The following EBF2 variants were observed in gnomAD, a reference collection of about 807,000 sequenced individuals.
EBF2 encodes EBF transcription factor 2.
Under a neutral mutation model 72.8 loss-of-function variants are expected in EBF2, and 21 were observed. That is an observed-to-expected ratio of 0.29 (90% confidence interval 0.20 to 0.42). The LOEUF (loss-of-function observed/expected upper bound fraction) is 0.42, where lower values mean the gene tolerates loss of function less well. EBF2 is among the 10% of genes least tolerant of loss of function. The probability of loss-of-function intolerance (pLI) is 1.00; values close to 1 mark genes in which losing one functional copy is unlikely to be tolerated. For missense variants in EBF2, 637 were observed against 731.2 expected (o/e 0.87, Z 1.49); for synonymous variants, 299 against 274.2 (o/e 1.09, Z -0.89).
chr8:26,044,998 A>G lies in EBF2; in HGVS notation c.-139T>C, dbSNP rs543491954. 120 of 433,650 alleles carry G rather than the reference A, an allele frequency of 2.8e-4. 1 individual carries two copies. The highest frequency in any genetic ancestry group is 1.5e-3 in the African/African-American group (67 of 44,654). The allele number at this position is 433,650 out of a possible 1,614,324, so 26.9% of individuals were successfully genotyped here. ...TCAAGTGCCCAAGTTTGAGTCTTAGAAAAAAAAAAAAGATAACCCGTCCTT... is the reference window on the plus strand; with the variant it reads ...TCAAGTGCCCAAGTTTGAGTCTTAGGAAAAAAAAAAAGATAACCCGTCCTT... On this transcript the variant is annotated 5_prime_UTR_variant, in exon 1 of 16. Transcript: ENST00000520164. The surrounding 1 kb of genome is among the most constrained non-coding windows in gnomAD (Gnocchi z 4.1).
At chr8:25,879,020 A>G (rs1376974179) in intron 10 of EBF2, among the ~76,000 whole-genome samples, 1 of 152,138 alleles carries the variant, frequency 6.6e-6, no homozygotes, top group Non-Finnish European at 1.5e-5. Context: ...AAATTATTTA[A>G]TTTTATTAGA....
chr8:25,846,035 A>T (rs185992460), intron 15 of EBF2, among the ~76,000 whole-genome samples: 1 of 152,192 alleles, frequency 6.6e-6, no homozygotes, highest in East Asian at 1.9e-4. Context: ...TTCCCTGCCC[A>T]TATAGCCTTT....
chr8:26,044,309 C>A lies in EBF2; in HGVS notation c.131+420G>T, dbSNP rs906356757. Among the ~76,000 whole-genome samples, 1 of 152,234 alleles carries A rather than the reference C, an allele frequency of 6.6e-6. No individual in the cohort carries two copies. Among genetic ancestry groups the A allele is most frequent in the Non-Finnish European group, 1.5e-5 (1 of 68,044 alleles). ...GATGCGGGAGGTAGGCGCTCGCAGG[C>A]GGCGTGGCGAAGCCAAGAGTGGCCA... On this transcript the variant is annotated intron_variant, in intron 1 of 15. Transcript: ENST00000520164. The surrounding 1 kb of genome is among the most constrained non-coding windows in gnomAD (Gnocchi z 4.1).
intron 6 of EBF2, among the ~76,000 whole-genome samples, chr8:25,933,995 A>G (rs1803530777): frequency 6.6e-6 from 1 of 152,178 alleles, no homozygotes; most frequent in African/African-American, 2.4e-5. Flanking sequence ...TTTTAAAGAT[A>G]AAATCTCTCT....
intron 6 of EBF2, among the ~76,000 whole-genome samples, chr8:26,022,670 G>A (rs1250765305): frequency 6.6e-6 from 1 of 152,088 alleles, no homozygotes; most frequent in Non-Finnish European, 1.5e-5. Context: ...GTTAAATGGG[G>A]GCAGCTGCTG....
chr8:25,943,539 T>G (rs1381355681), intron 6 of EBF2, among the ~76,000 whole-genome samples: 2 of 151,946 alleles, frequency 1.3e-5, no homozygotes, highest in African/African-American at 4.8e-5. Context: ...AATAAATGTT[T>G]AAAACCTGAG....
At chr8:25,937,815 A>C (rs1210450432) in intron 6 of EBF2, among the ~76,000 whole-genome samples, 1 of 152,186 alleles carries the variant, frequency 6.6e-6, no homozygotes, top group Non-Finnish European at 1.5e-5. Flanking sequence ...TGGTGTTTTA[A>C]AACAGATGTG....
chr8:25,869,921 G>T (rs1802403416), intron 10 of EBF2, among the ~76,000 whole-genome samples: 1 of 152,126 alleles, frequency 6.6e-6, no homozygotes, highest in African/African-American at 2.4e-5. Flanking sequence ...GTAAAGGTGG[G>T]ATCTGTGTCC....
At chr8:25,916,719 G>T (rs1295465665) in intron 6 of EBF2, among the ~76,000 whole-genome samples, 1 of 152,080 alleles carries the variant, frequency 6.6e-6, no homozygotes, top group East Asian at 1.9e-4. Context: ...ACAAAAAATG[G>T]TCGATGGGAG....
At chr8:25,924,775 T>G (rs941179504) in intron 6 of EBF2, among the ~76,000 whole-genome samples, 7 of 152,234 alleles carry the variant, frequency 4.6e-5, no homozygotes, top group African/African-American at 1.7e-4. Flanking sequence ...TAAACCTGAA[T>G]TTTGATTCTT....
chr8:26,018,325 G>C (rs1805147400), intron 6 of EBF2, among the ~76,000 whole-genome samples: 2 of 151,238 alleles, frequency 1.3e-5, no homozygotes, highest in South Asian at 4.2e-4. Flanking sequence ...AGAAAAGGCT[G>C]CAAGTAGAAG....
Position 25,954,868 on chromosome 8 carries a change from G to T in EBF2, c.552-46313C>A, listed in dbSNP as rs563684197. Among the ~76,000 whole-genome samples the T allele has an allele frequency of 3.2e-4, 48 of 152,314 alleles. 1 individual carries two copies. Among genetic ancestry groups the T allele is most frequent in the African/African-American group, 1.1e-3 (47 of 41,572 alleles). On this transcript the variant is annotated intron_variant, in intron 6 of 15. Transcript: ENST00000520164. The stretch of plus-strand genomic sequence containing the variant: ...TGCACTTTTAATTATACCATGGCTG[G>T]CTTCCCCGAATGGATTGCTGCCTCT...
chr8:25,928,807 GAA>G (rs1292059306), intron 6 of EBF2, among the ~76,000 whole-genome samples: 1 of 122,098 alleles, frequency 8.2e-6, no homozygotes, highest in Admixed American at 7.9e-5. Flanking sequence ...AAAAACCAGG[GAA>G]ATGGAGAGGA....
chr8:25,902,971 C>G (rs1802979250), intron 7 of EBF2, among the ~76,000 whole-genome samples: 1 of 152,154 alleles, frequency 6.6e-6, no homozygotes, highest in South Asian at 2.1e-4. Context: ...TCCTGGTAGG[C>G]AGAGGCTGAG....
chr8:25,970,019 A>G (rs1047561431), intron 6 of EBF2, among the ~76,000 whole-genome samples: 4 of 152,194 alleles, frequency 2.6e-5, no homozygotes, highest in East Asian at 3.9e-4. Context: ...TGACCTTCAT[A>G]TTATCAAGAG....
At chr8:25,991,926 AAT>A (rs1490303878) in intron 6 of EBF2, among the ~76,000 whole-genome samples, 1 of 152,190 alleles carries the variant, frequency 6.6e-6, no homozygotes, top group Non-Finnish European at 1.5e-5. Flanking sequence ...ACTGAGCAGC[AAT>A]AGACTAGCTA....
chr8:25,893,270 C>CT (rs1563391340), intron 7 of EBF2, among the ~76,000 whole-genome samples: 4 of 122,732 alleles, frequency 3.3e-5, no homozygotes, highest in African/African-American at 8.7e-5. Flanking sequence ...TTAATTCTTC[C>CT]ATTTTTTTTT....
intron 6 of EBF2, among the ~76,000 whole-genome samples, chr8:25,954,547 T>A (rs114097218): frequency 6.6e-6 from 1 of 152,110 alleles, no homozygotes; most frequent in Admixed American, 6.5e-5. Flanking sequence ...AAAAACAAAA[T>A]TCACATATTT....
intron 10 of EBF2, among the ~76,000 whole-genome samples, chr8:25,863,397 CAG>C (rs1802246329): frequency 6.6e-6 from 1 of 152,114 alleles, no homozygotes; most frequent in African/African-American, 2.4e-5. Flanking sequence ...CCCGTTAAGA[CAG>C]GGCCTGGCAC....
Sources: gnomAD v4.1 joint callset for allele counts (sites outside exome capture counted in the v4.1 genomes callset) on GRCh38, gnomAD v4.1.1 for gene constraint, Gnocchi (gnomAD v3.1) non-coding constraint, MANE v1.5 for transcripts, NCBI Gene and HGNC (gene_info 2026-07-23, HGNC 2026-07-21) for gene names.